The following PAQR5 variants were observed in gnomAD, a reference collection of about 807,000 sequenced individuals.
PAQR5 encodes progestin and adipoQ receptor family member 5, also known as membrane progestin receptor gamma.
Under a neutral mutation model 34.5 loss-of-function variants are expected in PAQR5, and 20 were observed. That is an observed-to-expected ratio of 0.58 (90% CI 0.41 to 0.84). The LOEUF (loss-of-function observed/expected upper bound fraction) is 0.84. Among genes scored for constraint, PAQR5 ranks in the 40% least tolerant of loss-of-function variants. PAQR5 has a pLI of 0.00. For missense variants in PAQR5, 378 were observed against 412.7 expected (o/e 0.92, Z 0.73); for synonymous variants, 131 against 155.6 (o/e 0.84, Z 1.18).
intron 1 of PAQR5, among the ~76,000 whole-genome samples, chr15:69,302,292 C>G (rs909398694): frequency 6.6e-6 from 1 of 152,030 alleles, no homozygotes; most frequent in Non-Finnish European, 1.5e-5. Context: ...AGGCTGCTCT[C>G]GAACTCCTGA....
At chr15:69,324,828 A>G (rs80183440) in intron 1 of PAQR5, among the ~76,000 whole-genome samples, 6,244 of 151,572 alleles carry the variant, frequency 0.041, 269 homozygotes, top group East Asian at 0.15. Context: ...CTGTCCTGCT[A>G]TACCCTCAGC....
chr15:69,301,900 A>G (rs888956047), intron 1 of PAQR5, among the ~76,000 whole-genome samples: 7 of 84,434 alleles, frequency 8.3e-5, no homozygotes, highest in African/African-American at 3.7e-4. Context: ...TTTTTTTAGC[A>G]CAGTGTTAGG....
intron 2 of PAQR5, among the ~76,000 whole-genome samples, chr15:69,358,003 C>T (rs2140832083): frequency 6.6e-6 from 1 of 152,198 alleles, no homozygotes. Flanking sequence ...GCTGCAGGTA[C>T]ATACAAGCAA....
At chr15:69,381,202 C>T (rs2055876042) in intron 4 of PAQR5, among the ~76,000 whole-genome samples, 3 of 152,222 alleles carry the variant, frequency 2.0e-5, no homozygotes, top group Admixed American at 1.3e-4. Context: ...GGAATAGAGT[C>T]AGGCTCTGCC....
intron 2 of PAQR5, among the ~76,000 whole-genome samples, chr15:69,340,020 C>T (rs1172770435): frequency 1.3e-5 from 2 of 152,184 alleles, no homozygotes; most frequent in Non-Finnish European, 2.9e-5. Context: ...GCATGTGCCA[C>T]CACGCCCGGC....
chr15:69,395,339 A>T (rs2056392467), intron 6 of PAQR5, among the ~76,000 whole-genome samples: 1 of 152,206 alleles, frequency 6.6e-6, no homozygotes, highest in Non-Finnish European at 1.5e-5. Flanking sequence ...GGGGGCCAGA[A>T]AGCCCAGGGT....
chr15:69,301,419 G>A (rs1391269275), intron 1 of PAQR5, among the ~76,000 whole-genome samples: 1 of 152,206 alleles, frequency 6.6e-6, no homozygotes, highest in Non-Finnish European at 1.5e-5. Context: ...CTGAGGCAGA[G>A]CAACTTTGTC....
At position 69,389,685 on chromosome 15, in the gene PAQR5, C is replaced by G; in HGVS notation, c.417C>G (p.Phe139Leu). ...CCATTGCCTACTCTGCATACACGTT[C>G]CCGGATGCGCTCATGTGCACCACTT... ...GSAIAYSAYT[F>L]PDALMCTTFH... Residue 139 changes from phenylalanine to leucine, a missense_variant, in exon 6 of 9, where the codon TTC (phenylalanine) becomes TTG (leucine). Transcript: ENST00000395407. 1 of 1,614,214 alleles carries G rather than the reference C, an allele frequency of 6.2e-7. No homozygotes were observed. Among genetic ancestry groups the G allele is most frequent in the Non-Finnish European group, 8.5e-7 (1 of 1,180,020 alleles).
intron 1 of PAQR5, among the ~76,000 whole-genome samples, chr15:69,335,200 A>G (rs2054483420): frequency 6.7e-6 from 1 of 150,134 alleles, no homozygotes; most frequent in South Asian, 2.1e-4. Context: ...TGGGCAACAG[A>G]GTGAGACCAT....
intron 1 of PAQR5, among the ~76,000 whole-genome samples, chr15:69,311,309 C>T (rs1001716485): frequency 2.6e-5 from 4 of 151,914 alleles, no homozygotes; most frequent in South Asian, 2.1e-4. Context: ...GCTGTGTTCA[C>T]GAGATGGCAG....
chr15:69,396,998 T>G (rs367912902), intron 6 of PAQR5: 39 of 359,028 alleles, frequency 1.1e-4, no homozygotes, highest in African/African-American at 7.7e-4. Flanking sequence ...AACACCTACT[T>G]GAACCCAGGT....
chr15:69,405,185 C>A lies in PAQR5; in HGVS notation c.*1363C>A. On this transcript the variant is annotated 3_prime_UTR_variant, in exon 9 of 9. Coordinates refer to ENST00000395407, the MANE Select transcript of PAQR5 (RefSeq NM_017705.4). Reference sequence around the variant, plus strand: ...ACACAGAAATGCGGATGCAAAACAACTTTTGACAGAGGCCCATCAAACCCA... The same window carrying A: ...ACACAGAAATGCGGATGCAAAACAAATTTTGACAGAGGCCCATCAAACCCA... 1 of 389,478 alleles carries A rather than the reference C, an allele frequency of 2.6e-6. No homozygotes were observed. The allele number at this position is 389,478 out of a possible 1,614,324, so 24.1% of individuals were successfully genotyped here.
intron 1 of PAQR5, among the ~76,000 whole-genome samples, chr15:69,318,915 C>T (rs1595845521): frequency 1.3e-5 from 2 of 151,654 alleles, no homozygotes; most frequent in East Asian, 3.9e-4. Flanking sequence ...TGGATCACCA[C>T]CTAAGGTCGG....
intron 6 of PAQR5, among the ~76,000 whole-genome samples, chr15:69,392,485 C>G (rs1203052642): frequency 6.6e-6 from 1 of 151,702 alleles, no homozygotes; most frequent in Non-Finnish European, 1.5e-5. Context: ...GTGCCTATTC[C>G]ATCTATCCAC....
intron 4 of PAQR5, chr15:69,382,801 CATAT>C (rs1220190050): frequency 7.2e-4 from 3 of 4,168 alleles, no homozygotes; most frequent in East Asian, 8.9e-3. Context: ...TATATATGAC[CATAT>C]ATATATATAT....
chr15:69,397,282 T>G (rs1286569960), intron 6 of PAQR5, 186 bp from the exon 7 acceptor site: 1 of 698,852 alleles, frequency 1.4e-6, no homozygotes, highest in Non-Finnish European at 2.6e-6. Flanking sequence ...CATCTGAAGT[T>G]TTGTCACTTC....
intron 1 of PAQR5, among the ~76,000 whole-genome samples, chr15:69,309,584 C>G (rs769293629): frequency 6.6e-6 from 1 of 152,132 alleles, no homozygotes; most frequent in Non-Finnish European, 1.5e-5. Context: ...CTCCCCCGAT[C>G]TCCCTGTCCC....
rs1555411083 is a variant in PAQR5 at position 69,300,892 on chromosome 15, TCTTC to T, written c.-277+1856_-277+1859del. 3.5e-4 allele frequency among the ~76,000 whole-genome samples: 7 copies of T among 20,050 alleles called. 1 individual carries two copies. The highest frequency in any genetic ancestry group is 5.6e-4 in the Non-Finnish European group (4 of 7,110). 13.2% of individuals were successfully genotyped at this position (20,050 alleles called of 152,430 possible). ...TTCTTTCTTTCTTTCTTTCTTTCTT[TCTTC>T]CTTCCTTCCTTCCTTCCTTTCTCTC... On this transcript the variant is annotated intron_variant, in intron 1 of 8. Transcript: ENST00000395407.
intron 7 of PAQR5, among the ~76,000 whole-genome samples, chr15:69,398,958 C>A (rs542224908): frequency 2.0e-5 from 3 of 152,226 alleles, no homozygotes; most frequent in Admixed American, 1.3e-4. Flanking sequence ...TCTGGCCCAC[C>A]TTCCTCACCT....
Sources: gnomAD v4.1 joint callset for allele counts (sites outside exome capture counted in the v4.1 genomes callset) on GRCh38, gnomAD v4.1.1 for gene constraint, MANE v1.5 for transcripts, NCBI Gene and HGNC (gene_info 2026-07-23, HGNC 2026-07-21) for gene names.